Variants in AGAP1 observed in about 807,000 individuals in gnomAD.
AGAP1 encodes arf-GAP with GTPase, ANK repeat and PH domain-containing protein 1.
Under a neutral mutation model 105.3 loss-of-function variants are expected in AGAP1, and 29 were observed. The ratio of observed to expected loss-of-function variants is 0.28; its 90% confidence interval spans 0.21 to 0.38. The LOEUF (loss-of-function observed/expected upper bound fraction) is 0.38, where lower values mean the gene tolerates loss of function less well. AGAP1 is among the 10% of genes least tolerant of loss of function. AGAP1 has a pLI of 1.00. For synonymous variants in AGAP1, 509 were observed against 485.9 expected, an observed-to-expected ratio of 1.05 and a Z score of -0.63; for missense variants, 998 against 1,165.1, an observed-to-expected ratio of 0.86 and a Z score of 2.09.
Position 235,728,757 on chromosome 2 carries a change from A to G in AGAP1, c.310+11113A>G, listed in dbSNP as rs757323279. Among the ~76,000 whole-genome samples, 3 of 152,294 alleles carry G rather than the reference A, an allele frequency of 2.0e-5. No homozygotes were observed. The highest frequency in any genetic ancestry group is 2.9e-5 in the Non-Finnish European group (2 of 68,010). ...CACTTGCTCTTTGAAGGCCAAATAC[A>G]TTGAAATGAAAGCGTGCCTAGTGGA... is the stretch of plus-strand genomic sequence containing the variant. On this transcript the variant is annotated intron_variant, in intron 3 of 17. Coordinates refer to ENST00000304032, the MANE Select transcript of AGAP1 (RefSeq NM_001037131.3). This position sits in a 1 kb window ranked among gnomAD's most constrained non-coding sequence, Gnocchi z 4.3.
intron 2 of AGAP1, 47 bp downstream of exon 2, chr2:235,709,284 C>T: frequency 6.3e-7 from 1 of 1,587,328 alleles, no homozygotes; most frequent in African/African-American, 1.3e-5. Context: ...GGGAGGGGCT[C>T]TGTGCACACC....
intron 9 of AGAP1, among the ~76,000 whole-genome samples, chr2:235,816,457 A>T (rs983574985): frequency 1.5e-5 from 2 of 133,948 alleles, no homozygotes; most frequent in South Asian, 2.3e-4. Context: ...AAAAAAAAAA[A>T]GGAAAGAAAG....
intron 13 of AGAP1, among the ~76,000 whole-genome samples, chr2:236,006,569 A>C (rs1008364529): frequency 3.3e-5 from 5 of 152,246 alleles, no homozygotes; most frequent in African/African-American, 1.2e-4. Context: ...TAAGTGTTTT[A>C]ACATGAGGAA....
intron 16 of AGAP1, among the ~76,000 whole-genome samples, chr2:236,086,196 AT>A (rs879334529): frequency 1.3e-5 from 2 of 152,220 alleles, no homozygotes; most frequent in African/African-American, 2.4e-5. Flanking sequence ...AATTAGCCTA[AT>A]AGATATTATT....
chr2:235,511,970 TTGTG>T (rs1219930265), intron 1 of AGAP1, among the ~76,000 whole-genome samples: 2 of 145,276 alleles, frequency 1.4e-5, no homozygotes, highest in Admixed American at 6.9e-5. Context: ...GTAAAGGTGA[TTGTG>T]AGTGTGTGAA....
At chr2:235,846,258 G>A (rs1011796410) in intron 9 of AGAP1, among the ~76,000 whole-genome samples, 1 of 152,174 alleles carries the variant, frequency 6.6e-6, no homozygotes, top group Non-Finnish European at 1.5e-5. Flanking sequence ...ATAGACCCTT[G>A]TGAAATGCAA....
At chr2:235,774,246 T>C (rs1489576237) in intron 6 of AGAP1, 3 of 423,710 alleles carry the variant, frequency 7.1e-6, no homozygotes, top group African/African-American at 2.1e-5. Flanking sequence ...GGAAAATCCG[T>C]AAGGCAGAAA....
intron 1 of AGAP1, among the ~76,000 whole-genome samples, chr2:235,589,183 C>A (rs1574912637): frequency 1.9e-5 from 2 of 103,034 alleles, no homozygotes; most frequent in Non-Finnish European, 2.0e-5. Context: ...CAGTTAATAG[C>A]TTATTGTTTT....
rs1204544030 is a variant in AGAP1, at chr2:236,114,479, G to A, written c.2115-5713G>A. Among the ~76,000 whole-genome samples the A allele has an allele frequency of 2.0e-5, 3 of 152,230 alleles. No homozygotes were observed. The highest frequency in any genetic ancestry group is 1.3e-4 in the Admixed American group (2 of 15,286). ...TGTCAGCTCAGGCTGCCAAAATAAA[G>A]TATTACACTTGGGTGGCTTAAGTGC... is the stretch of plus-strand genomic sequence containing the variant. On this transcript the variant is annotated intron_variant, in intron 16 of 17. Coordinates refer to ENST00000304032, the MANE Select transcript of AGAP1 (RefSeq NM_001037131.3). The surrounding 1 kb of genome is among the most constrained non-coding windows in gnomAD (Gnocchi z 5.0).
intron 3 of AGAP1, among the ~76,000 whole-genome samples, chr2:235,730,543 G>A (rs1006587158): frequency 7.3e-5 from 11 of 150,190 alleles, no homozygotes; most frequent in Non-Finnish European, 5.9e-5. Context: ...GTGCAGTGGT[G>A]CCATCATAGC....
intron 13 of AGAP1, among the ~76,000 whole-genome samples, chr2:236,018,134 G>A (rs2125588945): frequency 6.6e-6 from 1 of 152,324 alleles, no homozygotes; most frequent in East Asian, 1.9e-4. Flanking sequence ...AACTTTTGTT[G>A]CTTTTTAACA....
intron 1 of AGAP1, among the ~76,000 whole-genome samples, chr2:235,706,543 T>A (rs565317682): frequency 3.4e-4 from 52 of 152,164 alleles, no homozygotes; most frequent in Non-Finnish European, 6.9e-4. Flanking sequence ...TTTGCACCCC[T>A]CACCCCCGAT....
chr2:235,717,629 G>C lies in AGAP1; in HGVS notation c.295G>C (p.Glu99Gln). Residue 99 changes from glutamate (E) to glutamine (Q), a missense_variant, in exon 3 of 18, where the codon GAG (glutamate) becomes CAG (glutamine). Physicochemically the swap from Glu to Gln is conservative, Grantham distance 29 (BLOSUM62 2). Around this residue, in one of 3 missense-constraint regions of AGAP1, gnomAD observed 735 missense variants for 833.4 expected, o/e 0.88. Transcript: ENST00000304032. ...GTACCTGACGGGCACATATGTCCAG[G>C]AGGAGTCTCCGGAAGGTATGCTGTT... ...HRYLTGTYVQ[E>Q]ESPEGGRFKK... The C allele has an allele frequency of 6.2e-7, 1 of 1,603,008 alleles. No homozygotes were observed. The highest frequency in any genetic ancestry group is 8.5e-7 in the Non-Finnish European group (1 of 1,177,662).
rs538857186 is a variant in AGAP1 at position 235,750,247 on chromosome 2, T to C, written c.539-107T>C. The C allele has an allele frequency of 2.7e-6, 4 of 1,481,902 alleles. No homozygotes were observed. The African/African-American group carries it at 5.5e-5, about 21-fold the overall frequency. The allele number at this position is 1,481,902 out of a possible 1,614,324, so 91.8% of individuals were successfully genotyped here. ...TACAATTCCAGATTCATAAACTAAT[T>C]ACATTTCTGCTGAGTAAGGTACTGG... On this transcript the variant is annotated intron_variant, in intron 5 of 17. Transcript: ENST00000304032. The surrounding 1 kb of genome is among the most constrained non-coding windows in gnomAD (Gnocchi z 5.3).
chr2:235,881,759 A>G (rs948749901), intron 9 of AGAP1, among the ~76,000 whole-genome samples: 1 of 152,260 alleles, frequency 6.6e-6, no homozygotes, highest in African/African-American at 2.4e-5. Flanking sequence ...TGTTAAAACA[A>G]GAAGAAATTC....
At chr2:236,031,287 G>T (rs901788326) in intron 13 of AGAP1, among the ~76,000 whole-genome samples, 2 of 152,146 alleles carry the variant, frequency 1.3e-5, no homozygotes, top group Non-Finnish European at 1.5e-5. Context: ...CACATGCAGA[G>T]GAACCAGGGA....
Position 235,792,798 on chromosome 2 carries a change from A to G in AGAP1, c.674-4961A>G, listed in dbSNP as rs898514751. On this transcript the variant is annotated intron_variant, in intron 6 of 17. Transcript: ENST00000304032. This position sits in a 1 kb window ranked among gnomAD's most constrained non-coding sequence, Gnocchi z 5.3. ...AGGCGCCTCTAGCAGATCCAAGGGG[A>G]GATGCCGAGTTGGTCATTGGCTACA... 6.6e-6 allele frequency among the ~76,000 whole-genome samples: 1 copy of G among 152,132 alleles called. No individual in the cohort carries two copies. Among genetic ancestry groups the G allele is most frequent in the Admixed American group, 6.5e-5 (1 of 15,280 alleles).
chr2:235,670,895 C>A (rs923164285), intron 1 of AGAP1: 44 of 1,349,710 alleles, frequency 3.3e-5, no homozygotes, highest in Non-Finnish European at 4.1e-5. Flanking sequence ...CCGGCTGCTG[C>A]GCTTCTTCAG....
chr2:235,663,051 A>G lies in AGAP1; in HGVS notation c.164-46128A>G, dbSNP rs1311927959. 6.6e-6 allele frequency among the ~76,000 whole-genome samples: 1 copy of G among 152,102 alleles called. No homozygotes were observed. Among genetic ancestry groups the G allele is most frequent in the East Asian group, 1.9e-4 (1 of 5,166 alleles). On this transcript the variant is annotated intron_variant, in intron 1 of 17. Transcript: ENST00000304032. This position sits in a 1 kb window ranked among gnomAD's most constrained non-coding sequence, Gnocchi z 5.4. ...GCTAATAGAGGAAGGAGAGCTGGGT[A>G]TGGTGGCTCACACCTGTAATCCCAG...
Sources: allele counts gnomAD v4.1 joint callset (sites outside exome capture counted in the v4.1 genomes callset), GRCh38; gene constraint gnomAD v4.1.1; regional missense constraint gnomAD v4.1.1; non-coding constraint Gnocchi (gnomAD v3.1); transcripts MANE v1.5; gene names NCBI Gene and HGNC (gene_info 2026-07-23, HGNC 2026-07-21).